PHLDB3: variants seen among roughly 807,000 people sequenced by gnomAD.
The protein encoded by PHLDB3 is pleckstrin homology like domain family B member 3.
PHLDB3 carries 86 observed loss-of-function variants against 85.7 expected under a neutral mutation model. That is an observed-to-expected ratio of 1.00 (90% CI 0.84 to 1.20). The LOEUF is 1.20. Among genes scored for constraint, PHLDB3 ranks in the 50% most tolerant of loss-of-function variants. The pLI is 0.00. For synonymous variants in PHLDB3, 376 were observed against 349.8 expected (o/e 1.07, Z -0.83); for missense variants, 995 against 873.0 (o/e 1.14, Z -1.76).
Position 43,494,778 on chromosome 19 carries a change from A to G in PHLDB3, c.1073T>C (p.Val358Ala). ...GGAGTGGGCCACGGCATCCTGGAGCACCAGCAGCTGGCGGTCTGTCTTCTG... is the reference window on the plus strand; with the variant it reads ...GGAGTGGGCCACGGCATCCTGGAGCGCCAGCAGCTGGCGGTCTGTCTTCTG... Reference protein sequence around the residue: ...FTQKTDRQLLVLQDAVAHSAA... With the variant: ...FTQKTDRQLLALQDAVAHSAA... Residue 358 changes from valine to alanine, a missense_variant, in exon 9 of 16, where the codon GTG becomes GCG. Physicochemically the swap from Val to Ala is moderately conservative, Grantham distance 64. Coordinates refer to ENST00000292140, the MANE Select transcript of PHLDB3 (RefSeq NM_198850.4). 6.2e-7 allele frequency: 1 copy of G among 1,613,344 alleles called. No homozygotes were observed. Among genetic ancestry groups the G allele is most frequent in the Non-Finnish European group, 8.5e-7 (1 of 1,179,748 alleles).
At chr19:43,490,518 A>T (rs993401039) in intron 9 of PHLDB3, among the ~76,000 whole-genome samples, 1 of 151,992 alleles carries the variant, frequency 6.6e-6, no homozygotes. Context: ...GCACCATTAC[A>T]CTCCACTCCA....
At position 43,475,447 on chromosome 19, in the gene PHLDB3, A is replaced by T. The variant is rs749248140; in HGVS notation, c.1886T>A (p.Val629Asp). 1.9e-6 allele frequency: 3 copies of T among 1,613,784 alleles called. No individual in the cohort carries two copies. Among genetic ancestry groups the T allele is most frequent in the East Asian group, 2.2e-5 (1 of 44,868 alleles). ...SPEAMRIWMD[V>D]IVTAADENHA... Reference sequence around the variant, plus strand: ...GTTTTCGTCAGCGGCGGTCACGATGACGTCCATCCAAATGCGCATGGCTTC... The same window carrying T: ...GTTTTCGTCAGCGGCGGTCACGATGTCGTCCATCCAAATGCGCATGGCTTC... Residue 629 changes from valine (V) to aspartate (D), a missense_variant, in exon 16 of 16, where the codon GTC becomes GAC. By Grantham distance (152) the Val-to-Asp change is radical. Transcript: ENST00000292140.
At position 43,502,128 on chromosome 19, in the gene PHLDB3, C is replaced by T. The variant is rs752239527; in HGVS notation, c.369G>A (p.Gln123=). 7.0e-6 allele frequency: 11 copies of T among 1,579,382 alleles called. No homozygotes were observed. In the South Asian group the frequency reaches 1.2e-4, roughly 17 times the overall value. The part of the protein sequence containing the change: ...ALMEQRVKEL[Q]RQRKELRIEM... ...CGATCCTCAGCTCCTTCCTCTGGCG[C>T]TGTAGCTCCTTCACTCGCTGCTCCA... The change falls in exon 3 of 16, where the codon CAG becomes CAA. Residue 123 remains glutamine, a synonymous_variant. Transcript: ENST00000292140.
In PHLDB3 at chr19:43,475,190, G is replaced by A; in HGVS notation, c.*220C>T. 1.8e-6 allele frequency: 1 copy of A among 556,018 alleles called. No homozygotes were observed. Among genetic ancestry groups the A allele is most frequent in the South Asian group, 2.3e-5 (1 of 42,698 alleles). 34.4% of individuals were successfully genotyped at this position (556,018 alleles called of 1,614,324 possible). A position where few individuals can be genotyped will look rare whatever the true frequency, so the allele number is the denominator to read the frequency against. On this transcript the variant is annotated 3_prime_UTR_variant, in exon 16 of 16. Coordinates refer to ENST00000292140, the MANE Select transcript of PHLDB3 (RefSeq NM_198850.4). ...GCCCCTGCAATCTTCCTCCTGCCCC[G>A]GGCAGGGCCTTAGGGGCCGGCGATC...
rs1393612004 is a variant in PHLDB3 at position 43,497,889 on chromosome 19, C to T, written c.535-13G>A. 1.3e-6 allele frequency: 2 copies of T among 1,588,188 alleles called. No individual in the cohort carries two copies. The highest frequency in any genetic ancestry group is 2.3e-5 in the South Asian group (2 of 86,884). On this transcript the variant is annotated splice_polypyrimidine_tract_variant and intron_variant, in intron 4 of 15. Transcript: ENST00000292140. ...GCCGCCTCTGTTCCTGAAAGAACAA[C>T]AAGGTTCTCACCCTCAGCTTAAGCA...
rs1970894931 is a variant in PHLDB3 at position 43,475,173 on chromosome 19, A to C, written c.*237T>G. On this transcript the variant is annotated 3_prime_UTR_variant, in exon 16 of 16. Transcript: ENST00000292140. ...ATAAATAGTTTCTTCCCGCCCCTGCAATCTTCCTCCTGCCCCGGGCAGGGC... is the reference window on the plus strand; with the variant it reads ...ATAAATAGTTTCTTCCCGCCCCTGCCATCTTCCTCCTGCCCCGGGCAGGGC... 3.9e-6 allele frequency: 2 copies of C among 511,670 alleles called. No homozygotes were observed. Among genetic ancestry groups the C allele is most frequent in the East Asian group, 6.8e-5 (2 of 29,396 alleles). 31.7% of individuals were successfully genotyped at this position (511,670 alleles called of 1,614,324 possible). A position where few individuals can be genotyped will look rare whatever the true frequency, so the allele number is the denominator to read the frequency against.
intron 15 of PHLDB3, among the ~76,000 whole-genome samples, chr19:43,475,952 C>T (rs377130092): frequency 6.6e-6 from 1 of 152,064 alleles, no homozygotes; most frequent in Admixed American, 6.6e-5. Context: ...TGTGCCACCA[C>T]GCCCAGCTAA....
rs967393787 is a variant in PHLDB3, at chr19:43,478,092, C to T, written c.1743G>A (p.Gln581=). ...ETKLKGVIYF[Q]AIEEVYYDHL... ...GGTCATAATAGACTTCCTCAATGGC[C>T]TGGAAGTAGATGACACCTTTGAGCT... is the stretch of plus-strand genomic sequence containing the variant. The change falls in exon 15 of 16, where the codon CAG becomes CAA. Residue 581 remains glutamine (Q), a synonymous_variant. Transcript: ENST00000292140. 19 of 1,613,410 alleles carry T rather than the reference C, an allele frequency of 1.2e-5. No homozygotes were observed. The highest frequency in any genetic ancestry group is 1.5e-5 in the Non-Finnish European group (18 of 1,179,648).
chr19:43,500,909 A>ACCCCTCCC (rs1971574220), intron 4 of PHLDB3, among the ~76,000 whole-genome samples: 1 of 17,152 alleles, frequency 5.8e-5, no homozygotes, highest in African/African-American at 1.8e-4. Context: ...CGCCCCCCGT[A>ACCCCTCCC]CCCCCCCCCC....
intron 4 of PHLDB3, among the ~76,000 whole-genome samples, chr19:43,500,087 A>G (rs1239548830): frequency 6.6e-6 from 1 of 152,106 alleles, no homozygotes; most frequent in African/African-American, 2.4e-5. Context: ...TGAAAATACA[A>G]AATTACCCGG....
At position 43,492,326 on chromosome 19, in the gene PHLDB3, A is replaced by T. The variant is rs190026646; in HGVS notation, c.1149+2376T>A. Among the ~76,000 whole-genome samples the T allele has an allele frequency of 6.6e-4, 100 of 152,110 alleles. 1 individual carries two copies. The highest frequency in any genetic ancestry group is 2.4e-3 in the African/African-American group (99 of 41,494). ...GGTCTTGAACTCCTGTCCTCAAGGGATCCACCCACCTCGGCCTCTCAAAGT... is the reference window on the plus strand; with the variant it reads ...GGTCTTGAACTCCTGTCCTCAAGGGTTCCACCCACCTCGGCCTCTCAAAGT... On this transcript the variant is annotated intron_variant, in intron 9 of 15. Coordinates refer to ENST00000292140, the MANE Select transcript of PHLDB3 (RefSeq NM_198850.4).
At chr19:43,476,739 T>C (rs1245672077) in intron 15 of PHLDB3, among the ~76,000 whole-genome samples, 1 of 152,164 alleles carries the variant, frequency 6.6e-6, no homozygotes, top group Non-Finnish European at 1.5e-5. Flanking sequence ...TAGCTGAGAT[T>C]CCAACCTAAT....
chr19:43,502,801 C>G (rs1177393578), intron 2 of PHLDB3, among the ~76,000 whole-genome samples: 2 of 152,092 alleles, frequency 1.3e-5, no homozygotes, highest in East Asian at 3.9e-4. Flanking sequence ...GTGCAAGTCC[C>G]GTGACCACCC....
chr19:43,502,881 G>A (rs1971648890), intron 2 of PHLDB3, among the ~76,000 whole-genome samples: 1 of 152,030 alleles, frequency 6.6e-6, no homozygotes, highest in African/African-American at 2.4e-5. Flanking sequence ...ACTTATGAAA[G>A]GTGTTTCTTT....
rs560450463 is a variant in PHLDB3, at chr19:43,481,995, C to T, written c.1486-2402G>A. Among the ~76,000 whole-genome samples, 18 of 152,258 alleles carry T rather than the reference C, an allele frequency of 1.2e-4. No homozygotes were observed. In the South Asian group the frequency reaches 3.5e-3, roughly 30 times the overall value. On this transcript the variant is annotated intron_variant, in intron 13 of 15. Coordinates refer to ENST00000292140, the MANE Select transcript of PHLDB3 (RefSeq NM_198850.4). ...GGCCTGCAATCTCCCCAAATCCACA[C>T]AGAAAGACCAAGGATCACCACTGTG...
At chr19:43,479,276 A>C in intron 14 of PHLDB3, 101 bp downstream of exon 14, 1 of 1,201,132 alleles carries the variant, frequency 8.3e-7, no homozygotes, top group Non-Finnish European at 1.2e-6. Flanking sequence ...ATCCTGGGGA[A>C]CATGGAAAGT....
Position 43,504,205 on chromosome 19 carries a change from G to C in PHLDB3, c.-14-73C>G, listed in dbSNP as rs1599971038. 11 of 1,338,436 alleles carry C rather than the reference G, an allele frequency of 8.2e-6. 1 individual carries two copies. The highest frequency in any genetic ancestry group is 1.1e-5 in the Non-Finnish European group (11 of 1,012,162). The allele number at this position is 1,338,436 out of a possible 1,614,324, so 82.9% of individuals were successfully genotyped here. A position where few individuals can be genotyped will look rare whatever the true frequency, so the allele number is the denominator to read the frequency against. ...GCTGAGCGCCGCTCGCGTCTGCTCCGGGGCGCGGAGACCCCCCCCCAAGGA... is the reference window on the plus strand; with the variant it reads ...GCTGAGCGCCGCTCGCGTCTGCTCCCGGGCGCGGAGACCCCCCCCCAAGGA... On this transcript the variant is annotated intron_variant, in intron 1 of 15. Coordinates refer to ENST00000292140, the MANE Select transcript of PHLDB3 (RefSeq NM_198850.4).
In PHLDB3 at chr19:43,479,568, G is replaced by A; in HGVS notation, c.1511C>T (p.Pro504Leu). 3 of 1,546,402 alleles carry A rather than the reference G, an allele frequency of 1.9e-6. No homozygotes were observed. Among genetic ancestry groups the A allele is most frequent in the Non-Finnish European group, 2.6e-6 (3 of 1,144,126 alleles). ...ITAPPTPPHP[P>L]GPRILDLRQH... The stretch of plus-strand genomic sequence containing the variant: ...CCGGAGATCCAAGATTCGCGGGCCT[G>A]GAGGGTGGGGTGGGGTGGGTGGGGC... Residue 504 changes from proline (P) to leucine (L), a missense_variant, in exon 14 of 16, where the codon CCA becomes CTA. Pro to Leu is a moderately conservative substitution (Grantham distance 98). Coordinates refer to ENST00000292140, the MANE Select transcript of PHLDB3 (RefSeq NM_198850.4).
intron 2 of PHLDB3, 98 bp from the exon 3 acceptor site, chr19:43,502,381 A>C: frequency 1.8e-6 from 2 of 1,139,482 alleles, no homozygotes; most frequent in Non-Finnish European, 2.4e-6. Context: ...TGCGGGTCTC[A>C]GTCCATCAGT....
Sources: gnomAD v4.1 joint callset for allele counts (sites outside exome capture counted in the v4.1 genomes callset) on GRCh38, gnomAD v4.1.1 for gene constraint, MANE v1.5 for transcripts, NCBI Gene and HGNC (gene_info 2026-07-23, HGNC 2026-07-21) for gene names.